The following AKNA variants were observed in gnomAD, a reference collection of about 807,000 sequenced individuals.
AKNA encodes the protein AT-hook transcription factor.
A neutral mutation model predicts 138.8 loss-of-function variants in AKNA; 67 were observed. The observed-to-expected ratio is 0.48, with a 90% CI of 0.40 to 0.59. The LOEUF is 0.59. Ranked by LOEUF, AKNA falls within the 20% of genes least tolerant of loss-of-function variation. The probability of loss-of-function intolerance (pLI) is 0.00; values close to 1 mark genes in which losing one functional copy is unlikely to be tolerated. For missense variants in AKNA, 1,813 were observed against 1,880.4 expected, an observed-to-expected ratio of 0.96 and a Z score of 0.66; for synonymous variants, 737 against 754.4, an observed-to-expected ratio of 0.98 and a Z score of 0.38.
chr9:114,370,863 C>G (rs1363616897), intron 4 of AKNA, among the ~76,000 whole-genome samples: 2 of 152,150 alleles, frequency 1.3e-5, no homozygotes. Context: ...CCCCCTCCCC[C>G]CATCCCCACC....
chr9:114,368,071 G>A, intron 5 of AKNA: 1 of 288,140 alleles, frequency 3.5e-6, no homozygotes, highest in Non-Finnish European at 6.5e-6. Flanking sequence ...GCTGTCATGG[G>A]TGTGACAACA....
At chr9:114,349,083 C>A (rs143983133) in intron 15 of AKNA, 2 of 417,982 alleles carry the variant, frequency 4.8e-6, no homozygotes, top group African/African-American at 2.0e-5. Flanking sequence ...GGCAAAGCCA[C>A]GAGGGCAAGT....
At chr9:114,388,395 C>T (rs1353217686), upstream of AKNA, among the ~76,000 whole-genome samples, 2 of 152,204 alleles carry the variant, frequency 1.3e-5, no homozygotes, top group East Asian at 3.9e-4. Flanking sequence ...GGCCTCAGGG[C>T]CCATGTGCAC....
chr9:114,371,791 G>A (rs1443349927), intron 4 of AKNA, among the ~76,000 whole-genome samples: 1 of 152,154 alleles, frequency 6.6e-6, no homozygotes, highest in African/African-American at 2.4e-5. Flanking sequence ...CTCCCTCCCA[G>A]GTGGGTCCAG....
intron 1 of AKNA, among the ~76,000 whole-genome samples, chr9:114,384,030 G>C (rs1271912562): frequency 6.6e-6 from 1 of 152,196 alleles, no homozygotes; most frequent in Non-Finnish European, 1.5e-5. Context: ...GCGCCAGCCT[G>C]GGTTGAAGCT....
intron 1 of AKNA, among the ~76,000 whole-genome samples, chr9:114,384,297 A>AC (rs1833884988): frequency 6.6e-6 from 1 of 152,242 alleles, no homozygotes; most frequent in Non-Finnish European, 1.5e-5. Flanking sequence ...TGGGCCAGGT[A>AC]CAGCGGCTCA....
At chr9:114,397,103 T>A (rs934485029), upstream of AKNA, among the ~76,000 whole-genome samples, 2 of 152,168 alleles carry the variant, frequency 1.3e-5, no homozygotes, top group African/African-American at 4.8e-5. Context: ...ATGTTTTAAA[T>A]GCAAACCGGC....
At chr9:114,387,617 A>G (rs922387812) in intron 1 of AKNA, among the ~76,000 whole-genome samples, 1 of 152,302 alleles carries the variant, frequency 6.6e-6, no homozygotes, top group Admixed American at 6.5e-5. Flanking sequence ...CCAAGTTCAC[A>G]AGAGATCAGA....
At chr9:114,364,670 A>C (rs1175820807) in intron 6 of AKNA, 51 bp from the exon 7 acceptor site, 5 of 1,576,612 alleles carry the variant, frequency 3.2e-6, no homozygotes, top group Non-Finnish European at 4.4e-6. Flanking sequence ...AGTCCTGTAG[A>C]CTCCCACACC....
At chr9:114,363,374 A>C (rs1832112656) in intron 7 of AKNA, among the ~76,000 whole-genome samples, 1 of 152,250 alleles carries the variant, frequency 6.6e-6, no homozygotes, top group Non-Finnish European at 1.5e-5. Flanking sequence ...AGCACAACCT[A>C]AAACCCATTC....
intron 2 of AKNA, among the ~76,000 whole-genome samples, chr9:114,379,640 A>T (rs1289761180): frequency 1.3e-5 from 2 of 152,244 alleles, no homozygotes; most frequent in Non-Finnish European, 2.9e-5. Flanking sequence ...CATCTTGCTC[A>T]TAATCTAAGT....
At chr9:114,348,878 C>T (rs1240556237) in intron 15 of AKNA, 3 of 456,226 alleles carry the variant, frequency 6.6e-6, no homozygotes, top group Non-Finnish European at 1.3e-5. Flanking sequence ...CCACTGGGGC[C>T]GTTCTTGCCT....
chr9:114,362,030 C>T, intron 8 of AKNA, 119 bp from the exon 9 acceptor site: 2 of 1,023,900 alleles, frequency 2.0e-6, no homozygotes, highest in East Asian at 2.5e-5. Flanking sequence ...CATTTAATAT[C>T]AGCCTTTAGA....
chr9:114,384,611 A>G (rs1435159171), intron 1 of AKNA, among the ~76,000 whole-genome samples: 1 of 152,222 alleles, frequency 6.6e-6, no homozygotes, highest in Non-Finnish European at 1.5e-5. Context: ...TAATGAAAGT[A>G]AGTAGATTTT....
rs749814463 is a variant in AKNA, at chr9:114,345,931, C to T, written c.3593G>A (p.Arg1198Gln). The T allele has an allele frequency of 1.2e-4, 197 of 1,613,996 alleles. 1 individual carries two copies. The highest frequency in any genetic ancestry group is 1.5e-4 in the Non-Finnish European group (176 of 1,180,032). The change falls in exon 18 of 22, where the codon CGG (arginine) becomes CAG (glutamine). Residue 1198 changes from arginine (R) to glutamine (Q), a missense_variant. Coordinates refer to ENST00000374088, the MANE Select transcript of AKNA (RefSeq NM_001317950.2). ...ACTGCCCACCCCTCTCTTTCCATCC[C>T]GAGCTGCCTGTGGACTGTCCTTGGT... ...KTTKDSPQAA[R>Q]DGKRGVGSAG...
At position 114,381,402 on chromosome 9, in the gene AKNA, G is replaced by C; in HGVS notation, c.-69C>G. On this transcript the variant is annotated 5_prime_UTR_variant, in exon 2 of 22. Transcript: ENST00000374088. ...GACAGAGCTGCTGCCAGGGGCCCCA[G>C]AGTCACCGCTGGTTCCTGTCAGCAT... is the stretch of plus-strand genomic sequence containing the variant. The C allele has an allele frequency of 6.9e-7, 1 of 1,458,722 alleles. No homozygotes were observed. Among genetic ancestry groups the C allele is most frequent in the South Asian group, 1.4e-5 (1 of 69,134 alleles). The allele number at this position is 1,458,722 out of a possible 1,614,324, so 90.4% of individuals were successfully genotyped here.
intron 4 of AKNA, among the ~76,000 whole-genome samples, chr9:114,373,689 G>A (rs1169341060): frequency 3.3e-5 from 5 of 151,036 alleles, no homozygotes; most frequent in Non-Finnish European, 7.4e-5. Context: ...GACCAGCTTG[G>A]GCAACAAAGT....
intron 11 of AKNA, among the ~76,000 whole-genome samples, chr9:114,358,516 T>C (rs982147299): frequency 2.0e-5 from 3 of 152,336 alleles, no homozygotes; most frequent in Admixed American, 6.5e-5. Context: ...TAGATCACTA[T>C]TCAAAACAGA....
At chr9:114,359,816 G>T (rs1185737039) in intron 10 of AKNA, 22 bp from the exon 11 acceptor site, 2 of 1,608,276 alleles carry the variant, frequency 1.2e-6, no homozygotes, top group African/African-American at 1.3e-5. Context: ...CACACAGAGG[G>T]GCATGACCTC....
Sources: allele counts gnomAD v4.1 joint callset (sites outside exome capture counted in the v4.1 genomes callset), GRCh38; gene constraint gnomAD v4.1.1; transcripts MANE v1.5; gene names NCBI Gene and HGNC (gene_info 2026-07-23, HGNC 2026-07-21).